Variants in PPM1H observed in about 807,000 individuals in gnomAD.
The protein encoded by PPM1H is protein phosphatase, Mg2+/Mn2+ dependent 1H, also known as protein phosphatase 1H.
Under a neutral mutation model 54.9 loss-of-function variants are expected in PPM1H, and 27 were observed. The ratio of observed to expected loss-of-function variants is 0.49; its 90% CI spans 0.36 to 0.68. The LOEUF is 0.68. Ranked by LOEUF, PPM1H falls within the 30% of genes least tolerant of loss-of-function variation. The probability of loss-of-function intolerance (pLI) is 0.00; values close to 1 mark genes in which losing one functional copy is unlikely to be tolerated. For synonymous variants in PPM1H, 305 were observed against 270.8 expected (o/e 1.13, Z -1.24); for missense variants, 596 against 667.8 (o/e 0.89, Z 1.19).
intron 1 of PPM1H, among the ~76,000 whole-genome samples, chr12:62,863,197 CT>C (rs1555202116): frequency 4.6e-4 from 68 of 146,492 alleles, no homozygotes; most frequent in Non-Finnish European, 3.8e-4. Context: ...ATTTTTCTGA[CT>C]TTTTTTTTTT....
At chr12:62,715,458 G>A (rs1397619940) in intron 6 of PPM1H, among the ~76,000 whole-genome samples, 1 of 152,016 alleles carries the variant, frequency 6.6e-6, no homozygotes, top group African/African-American at 2.4e-5. Context: ...GGAAGGGGAG[G>A]TGGGGGAGCC....
chr12:62,731,528 A>G (rs73312465), intron 5 of PPM1H, among the ~76,000 whole-genome samples: 50 of 152,330 alleles, frequency 3.3e-4, no homozygotes, highest in African/African-American at 1.2e-3. Flanking sequence ...CCAGAGAGCC[A>G]AGCAGCACCA....
At chr12:62,649,842 G>C (rs879359918) in intron 9 of PPM1H, among the ~76,000 whole-genome samples, 1 of 152,204 alleles carries the variant, frequency 6.6e-6, no homozygotes, top group Admixed American at 6.5e-5. Context: ...GACCAACTCT[G>C]ATAATGAATC....
At chr12:62,767,244 A>C (rs1371514672) in intron 4 of PPM1H, among the ~76,000 whole-genome samples, 1 of 152,036 alleles carries the variant, frequency 6.6e-6, no homozygotes. Context: ...AAGATGGCTC[A>C]GGGTGGGATG....
At chr12:62,796,863 G>A (rs867286607) in intron 3 of PPM1H, among the ~76,000 whole-genome samples, 19 of 152,160 alleles carry the variant, frequency 1.2e-4, no homozygotes, top group Middle Eastern at 3.4e-3. Flanking sequence ...CATTATCAAC[G>A]GCAGTTTACT....
In PPM1H at chr12:62,923,423, C is replaced by T. The variant is rs1006018790; in HGVS notation, c.245+11069G>A. ...TTTTTTTGTTTTTTCTTTAACAAGA[C>T]AAAGTCTCCCTCTTGGCCCCCAGGC... On this transcript the variant is annotated intron_variant, in intron 1 of 9. Transcript: ENST00000228705. 3.3e-5 allele frequency among the ~76,000 whole-genome samples: 5 copies of T among 151,982 alleles called. No individual in the cohort carries two copies. In the South Asian group the frequency reaches 6.2e-4, roughly 19 times the overall value.
rs921452726 is a variant in PPM1H, at chr12:62,706,828, TA to T, written c.1074-12830del. Among the ~76,000 whole-genome samples the T allele has an allele frequency of 7.9e-3, 1,192 of 150,968 alleles. 15 individuals carry two copies. The highest frequency in any genetic ancestry group is 0.027 in the African/African-American group (1,120 of 41,234). On this transcript the variant is annotated intron_variant, in intron 6 of 9. Coordinates refer to ENST00000228705, the MANE Select transcript of PPM1H (RefSeq NM_020700.2). ...TAATTCTCTTCCTAAAATTAAATTG[TA>T]AAAAAAAAATTTAAGCTCATCTTCA...
chr12:62,728,180 A>T (rs2120491576), intron 5 of PPM1H, among the ~76,000 whole-genome samples: 1 of 152,306 alleles, frequency 6.6e-6, no homozygotes, highest in Admixed American at 6.5e-5. Flanking sequence ...CCCTAGCAAG[A>T]CCAAATGCAA....
At chr12:62,924,455 T>C (rs1000089932) in intron 1 of PPM1H, among the ~76,000 whole-genome samples, 2 of 152,132 alleles carry the variant, frequency 1.3e-5, no homozygotes, top group African/African-American at 4.8e-5. Flanking sequence ...CAGAAACCAG[T>C]TTCTGAATTT....
intron 7 of PPM1H, among the ~76,000 whole-genome samples, chr12:62,690,975 C>A (rs867233703): frequency 6.6e-6 from 1 of 151,726 alleles, no homozygotes; most frequent in African/African-American, 2.4e-5. Context: ...AGTCTCAAAC[C>A]AACAAACAAA....
intron 4 of PPM1H, among the ~76,000 whole-genome samples, chr12:62,751,454 G>A (rs1036610719): frequency 5.9e-5 from 9 of 152,218 alleles, no homozygotes; most frequent in Admixed American, 3.3e-4. Context: ...TTTATTCAGA[G>A]AACAGTGGGT....
intron 1 of PPM1H, among the ~76,000 whole-genome samples, chr12:62,898,432 G>C (rs1871062264): frequency 6.6e-6 from 1 of 152,188 alleles, no homozygotes; most frequent in Non-Finnish European, 1.5e-5. Flanking sequence ...GCACTGAAAA[G>C]AGAACAGACA....
chr12:62,730,118 G>A (rs1017755117), intron 5 of PPM1H, among the ~76,000 whole-genome samples: 1 of 151,632 alleles, frequency 6.6e-6, no homozygotes, highest in Non-Finnish European at 1.5e-5. Context: ...TTACCTACCC[G>A]AATCCTATAA....
intron 5 of PPM1H, among the ~76,000 whole-genome samples, chr12:62,723,582 C>A (rs749349285): frequency 1.2e-4 from 18 of 152,172 alleles, no homozygotes; most frequent in Non-Finnish European, 2.4e-4. Flanking sequence ...TGCCCTTCCA[C>A]CTTCTGCCAT....
chr12:62,665,429 A>T (rs1158885941), intron 9 of PPM1H, among the ~76,000 whole-genome samples: 1 of 152,214 alleles, frequency 6.6e-6, no homozygotes, highest in African/African-American at 2.4e-5. Context: ...TTGACAAAAA[A>T]TTCTGGAACT....
At chr12:62,683,310 C>T (rs2076033496) in intron 8 of PPM1H, among the ~76,000 whole-genome samples, 1 of 152,066 alleles carries the variant, frequency 6.6e-6, no homozygotes, top group Admixed American at 6.6e-5. Flanking sequence ...TCTCTGACCA[C>T]GTACCACATC....
At chr12:62,691,852 C>T (rs566764280) in intron 7 of PPM1H, among the ~76,000 whole-genome samples, 2 of 151,472 alleles carry the variant, frequency 1.3e-5, no homozygotes, top group South Asian at 4.2e-4. Context: ...AGCCTGGGGC[C>T]CTCTGCCCTG....
chr12:62,668,016 C>T (rs981925629), intron 8 of PPM1H, among the ~76,000 whole-genome samples: 2 of 152,216 alleles, frequency 1.3e-5, no homozygotes, highest in African/African-American at 4.8e-5. Flanking sequence ...TACACGCTCA[C>T]TCTGAACCTC....
intron 1 of PPM1H, among the ~76,000 whole-genome samples, chr12:62,889,702 C>A (rs182330831): frequency 6.6e-6 from 1 of 152,040 alleles, no homozygotes; most frequent in East Asian, 1.9e-4. Context: ...ACAAACCGTG[C>A]TGGAACAACT....
Sources: allele counts gnomAD v4.1 joint callset (sites outside exome capture counted in the v4.1 genomes callset), GRCh38; gene constraint gnomAD v4.1.1; transcripts MANE v1.5; gene names NCBI Gene and HGNC (gene_info 2026-07-23, HGNC 2026-07-21).